Variants in MMP26 observed in about 807,000 individuals in gnomAD.
The protein encoded by MMP26 is matrix metalloproteinase-26.
Under a neutral mutation model 31.0 loss-of-function variants are expected in MMP26, and 33 were observed. That is an observed-to-expected ratio of 1.06 (90% CI 0.81 to 1.42). The LOEUF is 1.42. Ranked by LOEUF, MMP26 falls within the 40% of genes most tolerant of loss-of-function variation. MMP26 has a pLI of 0.00. For synonymous variants in MMP26, 122 were observed against 114.9 expected (o/e 1.06, Z -0.40); for missense variants, 347 against 316.1 (o/e 1.10, Z -0.74).
At chr11:4,907,776 T>C (rs1188274356) in intron 2 of MMP26, 2 of 1,613,992 alleles carry the variant, frequency 1.2e-6, no homozygotes, top group East Asian at 4.5e-5. Flanking sequence ...AGTTCTATCC[T>C]CACTAGCAAC....
In MMP26 at chr11:4,727,496, G is replaced by A. The variant is rs192270893; in HGVS notation, c.-217+22451G>A. ...TTTAAAATGTTTGGTTTAGTACAAGGTACATGACAATCCTAATAAAAAAAA... is the reference window on the plus strand; with the variant it reads ...TTTAAAATGTTTGGTTTAGTACAAGATACATGACAATCCTAATAAAAAAAA... On this transcript the variant is annotated intron_variant, in intron 1 of 7. Transcript: ENST00000380390. Among the ~76,000 whole-genome samples, 347 of 152,146 alleles carry A rather than the reference G, an allele frequency of 2.3e-3. 2 individuals carry two copies. The highest frequency in any genetic ancestry group is 2.5e-3 in the Non-Finnish European group (170 of 68,004).
chr11:4,923,995 T>A, intron 2 of MMP26: 3 of 1,614,104 alleles, frequency 1.9e-6, no homozygotes, highest in Non-Finnish European at 2.5e-6. Context: ...ATAACAGAAC[T>A]GATGACTCCA....
rs527405031 is a variant in MMP26, at chr11:4,988,825, G to A, written c.99+515G>A. Among the ~76,000 whole-genome samples the A allele has an allele frequency of 1.7e-4, 26 of 152,286 alleles. No homozygotes were observed. In the South Asian group the frequency reaches 2.1e-3, roughly 12 times the overall value. On this transcript the variant is annotated intron_variant, in intron 3 of 7. Transcript: ENST00000380390. The stretch of plus-strand genomic sequence containing the variant: ...GGTTGCAGTCATGTATTTTGTAATT[G>A]TATAGGAACCTAGTCAAATTTCCTG...
At chr11:4,822,994 G>A (rs1315872160) in intron 2 of MMP26, among the ~76,000 whole-genome samples, 2 of 152,120 alleles carry the variant, frequency 1.3e-5, no homozygotes, top group African/African-American at 2.4e-5. Flanking sequence ...CATTCTAGGA[G>A]TAAGGATAAC....
At chr11:4,942,089 C>CA (rs201626472) in intron 2 of MMP26, among the ~76,000 whole-genome samples, 681 of 37,058 alleles carry the variant, frequency 0.018, 59 homozygotes, top group African/African-American at 0.063. Context: ...GAGTCCATCT[C>CA]AAAAAAAAAA....
intron 2 of MMP26, among the ~76,000 whole-genome samples, chr11:4,870,149 T>A (rs1041172788): frequency 6.6e-6 from 1 of 151,962 alleles, no homozygotes; most frequent in African/African-American, 2.4e-5. Flanking sequence ...TGCAGCACAC[T>A]GACATGGCAC....
intron 2 of MMP26, among the ~76,000 whole-genome samples, chr11:4,824,638 C>T (rs1294859137): frequency 6.6e-6 from 1 of 152,006 alleles, no homozygotes; most frequent in Non-Finnish European, 1.5e-5. Flanking sequence ...TTCTCTTGTC[C>T]TATAGGATAA....
chr11:4,864,701 C>A (rs1478446249), intron 2 of MMP26, among the ~76,000 whole-genome samples: 2 of 152,008 alleles, frequency 1.3e-5, no homozygotes, highest in Non-Finnish European at 2.9e-5. Flanking sequence ...ACTAAAAACA[C>A]ACAAAATGCT....
chr11:4,972,247 T>C (rs1179098895), intron 2 of MMP26, among the ~76,000 whole-genome samples: 5 of 152,044 alleles, frequency 3.3e-5, no homozygotes, highest in Admixed American at 1.3e-4. Context: ...GAGATAAATA[T>C]GAAAATCAAG....
chr11:4,846,827 C>G (rs1286181199), intron 2 of MMP26, among the ~76,000 whole-genome samples: 1 of 152,222 alleles, frequency 6.6e-6, no homozygotes, highest in Non-Finnish European at 1.5e-5. Flanking sequence ...CAGAATAAGA[C>G]TGTAATTACT....
chr11:4,970,667 G>A (rs1846653729), intron 2 of MMP26, among the ~76,000 whole-genome samples: 1 of 152,180 alleles, frequency 6.6e-6, no homozygotes, highest in Non-Finnish European at 1.5e-5. Context: ...TTCCTTCTTG[G>A]TATTAAGTAA....
At chr11:4,920,526 A>T (rs544319522) in intron 2 of MMP26, among the ~76,000 whole-genome samples, 1 of 152,352 alleles carries the variant, frequency 6.6e-6, no homozygotes. Context: ...ATACTCTGAC[A>T]TGAGGCCCCA....
intron 1 of MMP26, among the ~76,000 whole-genome samples, chr11:4,705,483 A>G (rs904997675): frequency 6.6e-6 from 1 of 152,156 alleles, no homozygotes; most frequent in African/African-American, 2.4e-5. Context: ...ATAGTAATGA[A>G]TGTGAAGCTT....
chr11:4,821,801 C>T (rs1849507033), intron 2 of MMP26: 1 of 1,612,578 alleles, frequency 6.2e-7, no homozygotes, highest in African/African-American at 1.3e-5. Flanking sequence ...CGTTTTGTGG[C>T]CATCTGTTAC....
intron 2 of MMP26, chr11:4,923,978 G>A: frequency 1.2e-6 from 2 of 1,614,174 alleles, no homozygotes; most frequent in Non-Finnish European, 1.7e-6. Flanking sequence ...GCGGTCAATG[G>A]ACATGGATAA....
intron 2 of MMP26, among the ~76,000 whole-genome samples, chr11:4,940,468 G>T (rs1298719980): frequency 6.6e-6 from 1 of 152,084 alleles, no homozygotes; most frequent in Non-Finnish European, 1.5e-5. Flanking sequence ...CAGACATTTT[G>T]AAAAAGTAGG....
In MMP26 at chr11:4,831,685, T is replaced by C. The variant is rs76306198; in HGVS notation, c.-145+64344T>C. 3.6e-3 allele frequency among the ~76,000 whole-genome samples: 542 copies of C among 152,236 alleles called. 4 individuals carry two copies. Among genetic ancestry groups the C allele is most frequent in the African/African-American group, 0.01 (431 of 41,548 alleles). On this transcript the variant is annotated intron_variant, in intron 2 of 7. Coordinates refer to ENST00000380390, the MANE Select transcript of MMP26 (RefSeq NM_021801.5). Reference sequence around the variant, plus strand: ...CAAGATTGATAACATAAGATTTAGGTCTCCCTTAAGTGCTGTGACTATAGC... The same window carrying C: ...CAAGATTGATAACATAAGATTTAGGCCTCCCTTAAGTGCTGTGACTATAGC...
intron 2 of MMP26, among the ~76,000 whole-genome samples, chr11:4,854,355 C>G (rs920525217): frequency 5.3e-5 from 8 of 152,192 alleles, no homozygotes; most frequent in African/African-American, 1.9e-4. Flanking sequence ...AATCGGGACA[C>G]TCCTACCCTA....
chr11:4,892,260 C>T (rs113510348), intron 2 of MMP26, among the ~76,000 whole-genome samples: 1 of 152,134 alleles, frequency 6.6e-6, no homozygotes, highest in African/African-American at 2.4e-5. Flanking sequence ...GCCACTCTCT[C>T]TCCCCTAAAG....
Sources: allele counts gnomAD v4.1 joint callset (sites outside exome capture counted in the v4.1 genomes callset), GRCh38; gene constraint gnomAD v4.1.1; transcripts MANE v1.5; gene names NCBI Gene and HGNC (gene_info 2026-07-23, HGNC 2026-07-21).